Variants in SMYD3 observed in about 807,000 individuals in gnomAD.
The protein encoded by SMYD3 is SET and MYND domain containing 3, also known as histone-lysine N-methyltransferase SMYD3.
In SMYD3, 36 loss-of-function variants were observed where a neutral mutation model predicts 57.7. The ratio of observed to expected loss-of-function variants is 0.62; its 90% confidence interval spans 0.48 to 0.82. SMYD3 has a LOEUF of 0.82. Ranked by LOEUF, SMYD3 falls within the 40% of genes least tolerant of loss-of-function variation. The pLI is 0.00. For synonymous variants in SMYD3, 211 were observed against 195.0 expected, an observed-to-expected ratio of 1.08 and a Z score of -0.68; for missense variants, 515 against 538.8, an observed-to-expected ratio of 0.96 and a Z score of 0.44.
intron 5 of SMYD3, among the ~76,000 whole-genome samples, chr1:245,950,700 T>C (rs2057601174): frequency 6.6e-6 from 1 of 152,272 alleles, no homozygotes; most frequent in Non-Finnish European, 1.5e-5. Context: ...ACACTGCTTA[T>C]GCCAAGTCAG....
At chr1:246,144,362 G>C (rs1278177908) in intron 5 of SMYD3, among the ~76,000 whole-genome samples, 2 of 152,134 alleles carry the variant, frequency 1.3e-5, no homozygotes, top group African/African-American at 4.8e-5. Context: ...AATAATGTCA[G>C]TACAACTGAT....
intron 5 of SMYD3, among the ~76,000 whole-genome samples, chr1:246,003,082 G>A (rs1351481260): frequency 6.6e-6 from 1 of 152,222 alleles, no homozygotes; most frequent in Admixed American, 6.5e-5. Context: ...TAGGAGGATT[G>A]GTGAGCAGGG....
rs529113950 is a variant in SMYD3, at chr1:245,885,234, A to G, written c.814-21348T>C. Among the ~76,000 whole-genome samples, 3 of 152,320 alleles carry G rather than the reference A, an allele frequency of 2.0e-5. No individual in the cohort carries two copies. The East Asian group carries it at 5.8e-4, about 29-fold the overall frequency. On this transcript the variant is annotated intron_variant, in intron 8 of 11. Transcript: ENST00000490107. ...ACATCTGAAGGAATAAACTCCAGACACACCATCTTTAAGAACTGTAACACT... is the reference window on the plus strand; with the variant it reads ...ACATCTGAAGGAATAAACTCCAGACGCACCATCTTTAAGAACTGTAACACT...
chr1:246,040,379 G>A (rs777623143), intron 5 of SMYD3, among the ~76,000 whole-genome samples: 9 of 151,940 alleles, frequency 5.9e-5, no homozygotes, highest in Non-Finnish European at 1.0e-4. Flanking sequence ...CGCAAGTGCT[G>A]CCGCTTATCT....
At chr1:245,941,172 A>C (rs2057228388) in intron 5 of SMYD3, among the ~76,000 whole-genome samples, 1 of 152,218 alleles carries the variant, frequency 6.6e-6, no homozygotes, top group Admixed American at 6.5e-5. Context: ...TTATATAAAA[A>C]GACCAAATCT....
At chr1:246,138,873 T>G (rs2061707516) in intron 5 of SMYD3, among the ~76,000 whole-genome samples, 1 of 152,160 alleles carries the variant, frequency 6.6e-6, no homozygotes, top group South Asian at 2.1e-4. Flanking sequence ...CTTTTGTATC[T>G]TCTCTCAGTA....
At chr1:246,028,973 T>A (rs746857502) in intron 5 of SMYD3, among the ~76,000 whole-genome samples, 1 of 152,086 alleles carries the variant, frequency 6.6e-6, no homozygotes, top group African/African-American at 2.4e-5. Context: ...GAAAACAGAC[T>A]GAGGAAAAGA....
chr1:245,881,530 T>TAGA (rs2052778220), intron 8 of SMYD3, among the ~76,000 whole-genome samples: 1 of 152,132 alleles, frequency 6.6e-6, no homozygotes, highest in African/African-American at 2.4e-5. Flanking sequence ...CTTAACTCCA[T>TAGA]GCTAGGCAAA....
At chr1:246,292,764 G>T (rs1269250199) in intron 5 of SMYD3, among the ~76,000 whole-genome samples, 1 of 152,118 alleles carries the variant, frequency 6.6e-6, no homozygotes, top group Non-Finnish European at 1.5e-5. Context: ...GGGGGCAAAA[G>T]AGTCATGCTG....
intron 5 of SMYD3, among the ~76,000 whole-genome samples, chr1:246,180,165 T>C (rs1339211879): frequency 6.7e-6 from 1 of 148,744 alleles, no homozygotes; most frequent in Non-Finnish European, 1.5e-5. Context: ...ATAGATATAT[T>C]AGAAAATATA....
chr1:246,487,217 C>T (rs1160870736), intron 1 of SMYD3, among the ~76,000 whole-genome samples: 1 of 140,488 alleles, frequency 7.1e-6, no homozygotes, highest in Non-Finnish European at 1.6e-5. Flanking sequence ...GGAGGCCAAG[C>T]GAGTGGATCA....
intron 5 of SMYD3, among the ~76,000 whole-genome samples, chr1:245,965,287 TATAAG>T (rs2058111761): frequency 6.6e-6 from 1 of 152,208 alleles, no homozygotes; most frequent in Non-Finnish European, 1.5e-5. Context: ...ATTTTGTTAT[TATAAG>T]ATATTTGCAC....
At chr1:245,918,126 C>T (rs2055580865) in intron 7 of SMYD3, among the ~76,000 whole-genome samples, 1 of 152,180 alleles carries the variant, frequency 6.6e-6, no homozygotes, top group Admixed American at 6.5e-5. Flanking sequence ...GGCTGGCTGG[C>T]TCTCCATAGA....
chr1:246,244,059 T>C (rs1490020663), intron 5 of SMYD3, among the ~76,000 whole-genome samples: 1 of 137,816 alleles, frequency 7.3e-6, no homozygotes, highest in Non-Finnish European at 1.6e-5. Flanking sequence ...CATATATATA[T>C]ATGAGTTAAA....
At chr1:245,872,908 C>T (rs1473317529) in intron 8 of SMYD3, among the ~76,000 whole-genome samples, 3 of 152,218 alleles carry the variant, frequency 2.0e-5, no homozygotes, top group African/African-American at 7.2e-5. Context: ...CCACCAAAGG[C>T]CTTTTCCGGC....
intron 1 of SMYD3, among the ~76,000 whole-genome samples, chr1:246,477,261 T>C (rs533033139): frequency 6.6e-6 from 1 of 152,330 alleles, no homozygotes; most frequent in East Asian, 1.9e-4. Context: ...CTTAGATAAA[T>C]ATAATCAATG....
chr1:245,838,859 G>A (rs997553438), intron 10 of SMYD3, among the ~76,000 whole-genome samples: 1 of 152,210 alleles, frequency 6.6e-6, no homozygotes, highest in African/African-American at 2.4e-5. Context: ...AGCTGTGCAG[G>A]AGACATACAA....
At chr1:245,951,162 A>AG (rs1203715955) in intron 5 of SMYD3, among the ~76,000 whole-genome samples, 5 of 152,100 alleles carry the variant, frequency 3.3e-5, no homozygotes, top group African/African-American at 1.2e-4. Flanking sequence ...CCTGCAAACC[A>AG]GGGGATGGAT....
intron 5 of SMYD3, among the ~76,000 whole-genome samples, chr1:245,998,065 A>G (rs1003845719): frequency 1.3e-5 from 2 of 152,242 alleles, no homozygotes; most frequent in Non-Finnish European, 2.9e-5. Context: ...GTGCTGGACC[A>G]GGACCAGGGC....
Sources: allele counts gnomAD v4.1 joint callset (sites outside exome capture counted in the v4.1 genomes callset), GRCh38; gene constraint gnomAD v4.1.1; transcripts MANE v1.5; gene names NCBI Gene and HGNC (gene_info 2026-07-23, HGNC 2026-07-21).